ZNF273: variants seen among roughly 807,000 people sequenced by gnomAD.
The protein encoded by ZNF273 is zinc finger protein 273, also known as zinc finger protein 9.
In ZNF273, 11 loss-of-function variants were observed where a neutral mutation model predicts 14.9. The ratio of observed to expected loss-of-function variants is 0.74; its 90% confidence interval spans 0.46 to 1.22. ZNF273 has a LOEUF of 1.22. ZNF273 is among the 50% of genes most tolerant of loss of function. The pLI, the probability that ZNF273 is intolerant of heterozygous loss-of-function variation, is 0.00. For synonymous variants in ZNF273, 199 were observed against 223.9 expected, an observed-to-expected ratio of 0.89 and a Z score of 0.99; for missense variants, 577 against 660.6, an observed-to-expected ratio of 0.87 and a Z score of 1.39.
chr7:64,883,088 C>A (rs1226611383), downstream of ZNF273, among the ~76,000 whole-genome samples: 1 of 152,080 alleles, frequency 6.6e-6, no homozygotes, highest in Admixed American at 6.5e-5. Flanking sequence ...AGTGGCCCGA[C>A]CTTCTGGTAC....
At position 64,918,177 on chromosome 7, in the gene ZNF273, AC is replaced by A; in HGVS notation, c.230-19del. 1.3e-6 allele frequency: 2 copies of A among 1,543,868 alleles called. No individual in the cohort carries two copies. Among genetic ancestry groups the A allele is most frequent in the East Asian group, 5.1e-5 (2 of 39,080 alleles). ...GGAGAATATGAGCAAGATTCATGTT[AC>A]TCATTTTTAATAAAACAGGTATTGC... On this transcript the variant is annotated intron_variant, in intron 2 of 3. Coordinates refer to ENST00000476120, the MANE Select transcript of ZNF273 (RefSeq NM_021148.3).
intron 1 of ZNF273, among the ~76,000 whole-genome samples, chr7:64,912,826 G>GTTTTTTGTTGTTGTTTTTTTTTTTT: frequency 3.9e-3 from 144 of 36,560 alleles, no homozygotes; most frequent in Non-Finnish European, 6.7e-3. Context: ...ATTCATTTTA[G>GTTTTTTGTTGTTGTTTTTTTTTTTT]TTTTTTTTTT....
At chr7:64,903,757 C>A (rs1026821153) in intron 1 of ZNF273, among the ~76,000 whole-genome samples, 2 of 152,136 alleles carry the variant, frequency 1.3e-5, no homozygotes, top group African/African-American at 4.8e-5. Context: ...CATGGGGTTC[C>A]CAGACCCTCC....
At chr7:64,914,182 ATTTTTTTT>A (rs375695781) in intron 1 of ZNF273, among the ~76,000 whole-genome samples, 1 of 70,890 alleles carries the variant, frequency 1.4e-5, no homozygotes, top group African/African-American at 6.6e-5. Flanking sequence ...TAATTTTTGT[ATTTTTTTT>A]TTTTTTTTTT....
exon 2 of ZNF273, chr7:64,888,742 A>G (rs1791766396): frequency 1.0e-6 from 1 of 985,810 alleles, no homozygotes; most frequent in Non-Finnish European, 1.2e-6. Flanking sequence ...GTTCACACCC[A>G]GCCCCGCAGA....
rs1453313369 is a variant in ZNF273, at chr7:64,929,766, T to G, written c.*728T>G. 6.6e-6 allele frequency: 1 copy of G among 152,166 alleles called. No individual in the cohort carries two copies. Among genetic ancestry groups the G allele is most frequent in the African/African-American group, 2.4e-5 (1 of 41,424 alleles). 9.4% of individuals were successfully genotyped at this position (152,166 alleles called of 1,614,324 possible). A position where few individuals can be genotyped will look rare whatever the true frequency, so the allele number is the denominator to read the frequency against. On this transcript the variant is annotated 3_prime_UTR_variant, in exon 4 of 4. Transcript: ENST00000476120. ...TATTTACATTCAGAGTACACTTTTC[T>G]TTGGAAAAAATTACAGGTTTTTTGA...
chr7:64,924,355 G>T (rs570154814), intron 3 of ZNF273: 74 of 152,140 alleles, frequency 4.9e-4, no homozygotes, highest in African/African-American at 1.7e-3. Context: ...CTGCCTTCAG[G>T]TCCTCTGTTC....
intron 1 of ZNF273, chr7:64,877,901 C>T (rs979773852): frequency 6.6e-6 from 1 of 152,220 alleles, no homozygotes; most frequent in African/African-American, 2.4e-5. Flanking sequence ...TTCTCCGGGG[C>T]TGTTCTCTCC....
intron 3 of ZNF273, among the ~76,000 whole-genome samples, chr7:64,921,605 CTTTTT>C (rs752363426): frequency 6.9e-5 from 4 of 57,966 alleles, no homozygotes; most frequent in African/African-American, 2.0e-4. Context: ...CATGCTAATG[CTTTTT>C]TTTTTTTTTT....
chr7:64,932,238 A>T (rs373739116), downstream of ZNF273, among the ~76,000 whole-genome samples: 304 of 151,736 alleles, frequency 2.0e-3, no homozygotes, highest in African/African-American at 5.1e-3. Flanking sequence ...AAAAAAAAAA[A>T]ATATCTTACT....
intron 1 of ZNF273, among the ~76,000 whole-genome samples, chr7:64,904,916 G>A (rs1264910456): frequency 1.3e-5 from 2 of 152,048 alleles, no homozygotes; most frequent in Non-Finnish European, 2.9e-5. Flanking sequence ...CCACTCCTCA[G>A]TGTTTTCCTG....
chr7:64,879,081 G>T (rs1791185892), intron 2 of ZNF273, among the ~76,000 whole-genome samples: 1 of 152,238 alleles, frequency 6.6e-6, no homozygotes. Context: ...TCTGCCTTTT[G>T]CCTGGTAATC....
downstream of ZNF273, among the ~76,000 whole-genome samples, chr7:64,894,637 CTT>C (rs765078266): frequency 8.6e-5 from 13 of 151,634 alleles, no homozygotes; most frequent in African/African-American, 1.5e-4. Flanking sequence ...GTAAAATACT[CTT>C]TTGCCATTTC....
In ZNF273 at chr7:64,908,477, A is replaced by G. The variant is rs575172429; in HGVS notation, c.102+5058A>G. On this transcript the variant is annotated intron_variant, in intron 1 of 3. Coordinates refer to ENST00000476120, the MANE Select transcript of ZNF273 (RefSeq NM_021148.3). ...CATGTGTTTTTGTTTGTTTGTTTTG[A>G]GATGGAGTCTTGCTCTGTTACTCAG... Among the ~76,000 whole-genome samples the G allele has an allele frequency of 6.6e-5, 10 of 152,144 alleles. No homozygotes were observed. The East Asian group carries it at 1.9e-3, about 29-fold the overall frequency.
chr7:64,885,877 T>A (rs4718157), intron 1 of ZNF273, among the ~76,000 whole-genome samples: 2,097 of 152,310 alleles, frequency 0.014, 51 homozygotes, highest in African/African-American at 0.048. Context: ...ATCTTGATGC[T>A]CTTTTCTTCC....
Position 64,928,421 on chromosome 7 carries a change from A to G in ZNF273, c.1093A>G (p.Lys365Glu). The G allele has an allele frequency of 6.2e-7, 1 of 1,613,788 alleles. No homozygotes were observed. Among genetic ancestry groups the G allele is most frequent in the East Asian group, 2.2e-5 (1 of 44,822 alleles). The change falls in exon 4 of 4, where the codon AAG becomes GAG. Residue 365 changes from lysine to glutamate, a missense_variant. Physicochemically the swap from Lys to Glu is moderately conservative, Grantham distance 56. This residue lies in a region of ZNF273 where 411 missense variants were observed against 440.4 expected (regional missense o/e 0.93). Transcript: ENST00000476120. ...FNWSSTLTKH[K>E]RIHTGEKPYK... is the part of the protein sequence containing the mutation. ...CTGGTCCTCAACTCTTACTAAACATAAGAGAATTCATACTGGAGAGAAACC... is the reference window on the plus strand; with the variant it reads ...CTGGTCCTCAACTCTTACTAAACATGAGAGAATTCATACTGGAGAGAAACC...
At chr7:64,932,058 AAT>A (rs1287568874), downstream of ZNF273, among the ~76,000 whole-genome samples, 1 of 151,958 alleles carries the variant, frequency 6.6e-6, no homozygotes, top group East Asian at 1.9e-4. Flanking sequence ...TTCACATGGT[AAT>A]TTAGTAAGTT....
chr7:64,911,463 A>G (rs10278306), intron 1 of ZNF273, among the ~76,000 whole-genome samples: 4 of 151,662 alleles, frequency 2.6e-5, no homozygotes, highest in Non-Finnish European at 4.4e-5. Context: ...GGGTTTCTCC[A>G]TGTTGGTCAG....
Position 64,912,825 on chromosome 7 carries a change from A to AGTTTTTTGTTGTTGTT in ZNF273, c.103-4749_103-4748insGTTGTTGTTGTTTTTT, listed in dbSNP as rs138740277. Among the ~76,000 whole-genome samples the AGTTTTTTGTTGTTGTT allele has an allele frequency of 8.5e-3, 143 of 16,778 alleles. 1 individual carries two copies. The highest frequency in any genetic ancestry group is 0.039 in the East Asian group (19 of 486). The allele number at this position is 16,778 out of a possible 152,430, so 11.0% of individuals were successfully genotyped here. On this transcript the variant is annotated intron_variant, in intron 1 of 3. Coordinates refer to ENST00000476120, the MANE Select transcript of ZNF273 (RefSeq NM_021148.3). ...TTCTTTTTGACTCAGGATTCATTTT[A>AGTTTTTTGTTGTTGTT]GTTTTTTTTTTTTTTTTTTTTGAGA...
Sources: gnomAD v4.1 joint callset for allele counts (sites outside exome capture counted in the v4.1 genomes callset) on GRCh38, gnomAD v4.1.1 for gene constraint, gnomAD v4.1.1 regional missense constraint, MANE v1.5 for transcripts, NCBI Gene and HGNC (gene_info 2026-07-23, HGNC 2026-07-21) for gene names.